Variants in SCN11A observed in about 807,000 individuals in gnomAD.
SCN11A encodes sodium channel protein type 11 subunit alpha.
Under a neutral mutation model 162.2 loss-of-function variants are expected in SCN11A, and 122 were observed. That is an observed-to-expected ratio of 0.75 (90% confidence interval 0.65 to 0.87). SCN11A has a LOEUF of 0.87. Among genes scored for constraint, SCN11A ranks in the 40% least tolerant of loss-of-function variants. SCN11A has a pLI of 0.00. For missense variants in SCN11A, 2,015 were observed against 2,181.6 expected (o/e 0.92, Z 1.52); for synonymous variants, 758 against 751.5 (o/e 1.01, Z -0.14).
intron 11 of SCN11A, among the ~76,000 whole-genome samples, chr3:38,916,586 T>A (rs1027903042): frequency 1.3e-5 from 2 of 152,212 alleles, no homozygotes; most frequent in African/African-American, 4.8e-5. Flanking sequence ...TTGGCACTGA[T>A]GAGCTATCAC....
chr3:39,031,788 T>C (rs1389757608), intron 2 of SCN11A, among the ~76,000 whole-genome samples: 1 of 152,228 alleles, frequency 6.6e-6, no homozygotes, highest in African/African-American at 2.4e-5. Flanking sequence ...GAAGAAATTA[T>C]GCGGCTTCTT....
intron 28 of SCN11A, among the ~76,000 whole-genome samples, chr3:38,854,487 G>C (rs1391853380): frequency 6.6e-6 from 1 of 152,174 alleles, no homozygotes; most frequent in African/African-American, 2.4e-5. Flanking sequence ...ATAGGAGGCA[G>C]GGCTAACGTG....
Position 38,898,992 on chromosome 3 carries a change from A to G in SCN11A, c.2022+902T>C, listed in dbSNP as rs143018785. Among the ~76,000 whole-genome samples, 13 of 152,248 alleles carry G rather than the reference A, an allele frequency of 8.5e-5. No individual in the cohort carries two copies. In the East Asian group the frequency reaches 2.5e-3, roughly 29 times the overall value. Reference sequence around the variant, plus strand: ...TAAAACATTAGTAGGAAAGCTTAATAACACCTGACTTTGAGCAGTGTAACC... The same window carrying G: ...TAAAACATTAGTAGGAAAGCTTAATGACACCTGACTTTGAGCAGTGTAACC... On this transcript the variant is annotated intron_variant, in intron 17 of 29. Transcript: ENST00000302328.
intron 9 of SCN11A, among the ~76,000 whole-genome samples, chr3:38,922,545 G>A (rs78245562): frequency 1.1e-4 from 16 of 152,282 alleles, no homozygotes; most frequent in Admixed American, 2.6e-4. Flanking sequence ...AGATGAAGAC[G>A]GGGACATGAA....
chr3:39,040,845 G>A (rs180744960), intron 1 of SCN11A, among the ~76,000 whole-genome samples: 5 of 152,208 alleles, frequency 3.3e-5, no homozygotes, highest in East Asian at 1.9e-4. Flanking sequence ...TTGGGAGGCC[G>A]AGGTGGGCGG....
At chr3:38,974,143 A>C (rs1299528760) in intron 2 of SCN11A, among the ~76,000 whole-genome samples, 1 of 152,228 alleles carries the variant, frequency 6.6e-6, no homozygotes, top group Non-Finnish European at 1.5e-5. Flanking sequence ...AAAAGCTGAA[A>C]AACATGAGGG....
intron 3 of SCN11A, among the ~76,000 whole-genome samples, chr3:38,956,847 T>A (rs1389173862): frequency 6.6e-6 from 1 of 152,148 alleles, no homozygotes; most frequent in Non-Finnish European, 1.5e-5. Flanking sequence ...TTTCTCACCT[T>A]AAACATTTAG....
Position 38,934,998 on chromosome 3 carries a change from T to C in SCN11A, c.489-8067A>G, listed in dbSNP as rs371752154. On this transcript the variant is annotated intron_variant, in intron 7 of 29. Transcript: ENST00000302328. ...TGGAAGTAAAGCTCTCCTCAGCAAA[T>C]GTAAAAGATCAGAAATTATAACAAA... Among the ~76,000 whole-genome samples, 6 of 151,850 alleles carry C rather than the reference T, an allele frequency of 4.0e-5. No homozygotes were observed. In the South Asian group the frequency reaches 1.0e-3, roughly 26 times the overall value.
intron 2 of SCN11A, among the ~76,000 whole-genome samples, chr3:39,005,263 C>T (rs1366750673): frequency 6.6e-6 from 1 of 152,220 alleles, no homozygotes. Context: ...GGCTTTACTT[C>T]CTTGTTGTTT....
At chr3:38,916,816 G>A (rs1418125230) in intron 11 of SCN11A, among the ~76,000 whole-genome samples, 1 of 152,176 alleles carries the variant, frequency 6.6e-6, no homozygotes, top group African/African-American at 2.4e-5. Context: ...TTAGTCAGCA[G>A]GGGAGGAAGC....
intron 2 of SCN11A, among the ~76,000 whole-genome samples, chr3:39,027,121 AT>A (rs1210472886): frequency 6.6e-6 from 1 of 152,084 alleles, no homozygotes; most frequent in Non-Finnish European, 1.5e-5. Context: ...GAAAAAAAAA[AT>A]GTCCAGCAGA....
rs555714597 is a variant in SCN11A at position 38,880,196 on chromosome 3, T to C, written c.3220-73A>G. 454 of 1,102,686 alleles carry C rather than the reference T, an allele frequency of 4.1e-4. 7 individuals are homozygous for C. The East Asian group carries it at 0.011, about 27-fold the overall frequency. The allele number at this position is 1,102,686 out of a possible 1,614,324, so 68.3% of individuals were successfully genotyped here. A position where few individuals can be genotyped will look rare whatever the true frequency, so the allele number is the denominator to read the frequency against. On this transcript the variant is annotated intron_variant, in intron 22 of 29. Coordinates refer to ENST00000302328, the MANE Select transcript of SCN11A (RefSeq NM_001349253.2). ...AACTCCTTGGTAACTTTACTTTTTG[T>C]TTTTCTTCCTTATATGAATAAAAAC...
In SCN11A at chr3:38,871,515, T is replaced by A; in HGVS notation, c.3689A>T (p.Asn1230Ile). ...GACTTTCTGGTTGATCCAAGAGAAATTGCCACTTTCACATTGACTTTTATT... is the reference window on the plus strand; with the variant it reads ...GACTTTCTGGTTGATCCAAGAGAAAATGCCACTTTCACATTGACTTTTATT... ...ITNKSQCESGNFSWINQKVNF... is the reference protein window; with the variant it reads ...ITNKSQCESGIFSWINQKVNF... The change falls in exon 25 of 30, where the codon AAT (asparagine) becomes ATT (isoleucine). Residue 1230 changes from asparagine (N) to isoleucine (I), a missense_variant. Asn to Ile is a moderately radical substitution (Grantham distance 149). Transcript: ENST00000302328. The A allele has an allele frequency of 6.2e-7, 1 of 1,613,146 alleles. No individual in the cohort carries two copies. Among genetic ancestry groups the A allele is most frequent in the Non-Finnish European group, 8.5e-7 (1 of 1,179,514 alleles).
chr3:38,932,138 A>G (rs1267364533), intron 7 of SCN11A, among the ~76,000 whole-genome samples: 4 of 152,084 alleles, frequency 2.6e-5, no homozygotes, highest in African/African-American at 9.7e-5. Flanking sequence ...GAAATGCCAC[A>G]TATTAAAACC....
chr3:38,993,500 AC>A (rs1352891890), intron 2 of SCN11A, among the ~76,000 whole-genome samples: 1 of 152,200 alleles, frequency 6.6e-6, no homozygotes, highest in East Asian at 1.9e-4. Flanking sequence ...ACTAAACAGG[AC>A]GGAAATTGGT....
At position 38,921,105 on chromosome 3, in the gene SCN11A, C is replaced by T; in HGVS notation, c.863G>A (p.Cys288Tyr). ...SLNLKCISRD[C>Y]KNISNPEAYD... ...AGCTTCCGGGTTACTGATATTTTTACAGTCCCTCGAGATGCATTTCAGGTT... is the reference window on the plus strand; with the variant it reads ...AGCTTCCGGGTTACTGATATTTTTATAGTCCCTCGAGATGCATTTCAGGTT... Residue 288 changes from cysteine (C) to tyrosine (Y), a missense_variant, in exon 10 of 30, where the codon TGT becomes TAT. By Grantham distance (194) the Cys-to-Tyr change is radical. Coordinates refer to ENST00000302328, the MANE Select transcript of SCN11A (RefSeq NM_001349253.2). 1 of 1,614,056 alleles carries T rather than the reference C, an allele frequency of 6.2e-7. No individual in the cohort carries two copies. The highest frequency in any genetic ancestry group is 8.5e-7 in the Non-Finnish European group (1 of 1,179,932).
chr3:38,939,670 G>A (rs1463196028), intron 7 of SCN11A, among the ~76,000 whole-genome samples: 3 of 152,090 alleles, frequency 2.0e-5, no homozygotes, highest in Non-Finnish European at 4.4e-5. Flanking sequence ...TTGGGAGGCC[G>A]AGGCGGGTGG....
At chr3:39,012,446 C>A (rs2031169869) in intron 2 of SCN11A, among the ~76,000 whole-genome samples, 1 of 148,398 alleles carries the variant, frequency 6.7e-6, no homozygotes, top group African/African-American at 2.6e-5. Flanking sequence ...TTCTCTCTCT[C>A]TTTCTCTCTT....
intron 2 of SCN11A, among the ~76,000 whole-genome samples, chr3:39,005,469 C>T (rs937458931): frequency 6.6e-6 from 1 of 152,182 alleles, no homozygotes; most frequent in Non-Finnish European, 1.5e-5. Flanking sequence ...CTACCTCTGG[C>T]TTCGCATAAT....
Sources: gnomAD v4.1 joint callset for allele counts (sites outside exome capture counted in the v4.1 genomes callset) on GRCh38, gnomAD v4.1.1 for gene constraint, MANE v1.5 for transcripts, NCBI Gene and HGNC (gene_info 2026-07-23, HGNC 2026-07-21) for gene names.